NXN: variants seen among roughly 807,000 people sequenced by gnomAD.
NXN encodes nucleoredoxin.
In NXN, 16 loss-of-function variants were observed where a neutral mutation model predicts 48.6. The ratio of observed to expected loss-of-function variants is 0.33; its 90% CI spans 0.22 to 0.50. The LOEUF (loss-of-function observed/expected upper bound fraction) is 0.50, where lower values mean the gene tolerates loss of function less well. Ranked by LOEUF, NXN falls within the 20% of genes least tolerant of loss-of-function variation. The pLI is 0.98. For synonymous variants in NXN, 281 were observed against 269.6 expected (o/e 1.04, Z -0.41); for missense variants, 492 against 605.5 (o/e 0.81, Z 1.97).
intron 1 of NXN, among the ~76,000 whole-genome samples, chr17:923,637 T>C (rs2068769481): frequency 6.6e-6 from 1 of 152,270 alleles, no homozygotes; most frequent in Non-Finnish European, 1.5e-5. Context: ...ACCTGCAACG[T>C]GCAGGACACT....
At chr17:943,047 CCA>C (rs1367391557) in intron 1 of NXN, among the ~76,000 whole-genome samples, 1 of 151,842 alleles carries the variant, frequency 6.6e-6, no homozygotes. Context: ...CATGAATTCA[CCA>C]AACACCTCCC....
chr17:878,174 G>C (rs2068238519), intron 1 of NXN: 1 of 151,920 alleles, frequency 6.6e-6, no homozygotes, highest in African/African-American at 2.4e-5. Flanking sequence ...ATGCTGAAAA[G>C]ACAACGTGTA....
intron 1 of NXN, among the ~76,000 whole-genome samples, chr17:962,785 G>A (rs1294935838): frequency 1.3e-5 from 2 of 152,132 alleles, no homozygotes; most frequent in Non-Finnish European, 2.9e-5. Flanking sequence ...GCTTGGAAGC[G>A]GAGACTGATG....
chr17:969,382 T>C (rs953757025), intron 1 of NXN, among the ~76,000 whole-genome samples: 2 of 152,188 alleles, frequency 1.3e-5, no homozygotes, highest in African/African-American at 4.8e-5. Flanking sequence ...TCTATATTCT[T>C]CGTCTACTAT....
At chr17:846,040 C>T (rs771199915) in intron 1 of NXN, among the ~76,000 whole-genome samples, 4 of 152,146 alleles carry the variant, frequency 2.6e-5, no homozygotes, top group Non-Finnish European at 5.9e-5. Flanking sequence ...CGAGATCACA[C>T]CACTGCACTC....
chr17:807,007 G>A (rs533096294), intron 5 of NXN, among the ~76,000 whole-genome samples: 10 of 152,334 alleles, frequency 6.6e-5, no homozygotes, highest in South Asian at 2.1e-4. Flanking sequence ...TGTGCTCAGC[G>A]TGGACAGTGC....
At chr17:877,374 C>A (rs1423226664) in intron 1 of NXN, among the ~76,000 whole-genome samples, 7 of 152,056 alleles carry the variant, frequency 4.6e-5, no homozygotes, top group Non-Finnish European at 8.8e-5. Context: ...TCTCGATCTC[C>A]TGACCTCGTG....
At chr17:914,389 C>A (rs890011768) in intron 1 of NXN, among the ~76,000 whole-genome samples, 4 of 151,992 alleles carry the variant, frequency 2.6e-5, no homozygotes, top group Non-Finnish European at 4.4e-5. Context: ...AGGCTGGTCT[C>A]AAACTCCTGA....
chr17:860,117 T>TTTA (rs140407900), intron 1 of NXN, among the ~76,000 whole-genome samples: 9,315 of 151,312 alleles, frequency 0.062, 954 homozygotes, highest in African/African-American at 0.21. Context: ...CTTTAAAAAA[T>TTTA]TTATTATTAT....
intron 1 of NXN, among the ~76,000 whole-genome samples, chr17:831,699 C>G (rs896329264): frequency 6.6e-6 from 1 of 151,790 alleles, no homozygotes; most frequent in Non-Finnish European, 1.5e-5. Context: ...CCGGATTCAC[C>G]CTGTTGGCCA....
At chr17:971,841 A>G (rs2069384134) in intron 1 of NXN, among the ~76,000 whole-genome samples, 1 of 152,226 alleles carries the variant, frequency 6.6e-6, no homozygotes, top group African/African-American at 2.4e-5. Context: ...GGTTCACACC[A>G]TGCACCACTG....
At chr17:873,151 G>A (rs773674745) in intron 1 of NXN, among the ~76,000 whole-genome samples, 3 of 152,172 alleles carry the variant, frequency 2.0e-5, no homozygotes, top group Non-Finnish European at 4.4e-5. Context: ...CTTGCCAACT[G>A]CAGCTCTTGG....
chr17:863,999 G>GA (rs1420899703), intron 1 of NXN: 1 of 1,535,350 alleles, frequency 6.5e-7, no homozygotes, highest in East Asian at 2.4e-5. Context: ...CAGTTTCGGT[G>GA]AAAGGACACA....
chr17:885,410 G>T (rs2068333348), intron 1 of NXN, among the ~76,000 whole-genome samples: 1 of 151,860 alleles, frequency 6.6e-6, no homozygotes, highest in Non-Finnish European at 1.5e-5. Flanking sequence ...CCGGGAGGTG[G>T]AGGTTGCAGT....
At chr17:885,565 T>C (rs989201185) in intron 1 of NXN, among the ~76,000 whole-genome samples, 4 of 151,956 alleles carry the variant, frequency 2.6e-5, no homozygotes, top group Admixed American at 2.6e-4. Flanking sequence ...TCATAATCGT[T>C]TCTTAGCCAG....
At chr17:853,714 TA>T (rs2067950398) in intron 1 of NXN, among the ~76,000 whole-genome samples, 1 of 94,590 alleles carries the variant, frequency 1.1e-5, no homozygotes, top group African/African-American at 5.5e-5. Context: ...TATATATATA[TA>T]TATATATATT....
At chr17:894,994 C>CTTTTTT (rs778350779) in intron 1 of NXN, among the ~76,000 whole-genome samples, 6 of 60,822 alleles carry the variant, frequency 9.9e-5, no homozygotes, top group Admixed American at 2.2e-4. Flanking sequence ...TCACCCTTTC[C>CTTTTTT]TTTTTTTTTT....
chr17:806,021 G>A (rs1052616976), intron 5 of NXN, among the ~76,000 whole-genome samples: 2 of 151,984 alleles, frequency 1.3e-5, no homozygotes, highest in Admixed American at 6.6e-5. Flanking sequence ...ACGGGTCCTC[G>A]CCCGGCCACA....
chr17:955,616 G>A (rs1192905420), intron 1 of NXN, among the ~76,000 whole-genome samples: 1 of 146,260 alleles, frequency 6.8e-6, no homozygotes, highest in East Asian at 2.2e-4. Context: ...ACCTCGGGAG[G>A]CCGGACGCGG....
Sources: allele counts gnomAD v4.1 joint callset (sites outside exome capture counted in the v4.1 genomes callset), GRCh38; gene constraint gnomAD v4.1.1; transcripts MANE v1.5; gene names NCBI Gene and HGNC (gene_info 2026-07-23, HGNC 2026-07-21).